CALN1: variants seen among roughly 807,000 people sequenced by gnomAD.
The protein encoded by CALN1 is calcium-binding protein 8.
In CALN1, 17 loss-of-function variants were observed where a neutral mutation model predicts 30.6. The ratio of observed to expected loss-of-function variants is 0.56; its 90% CI spans 0.38 to 0.83. The LOEUF is 0.83. Ranked by LOEUF, CALN1 falls within the 40% of genes least tolerant of loss-of-function variation. The pLI is 0.00. For missense variants in CALN1, 291 were observed against 354.9 expected, an observed-to-expected ratio of 0.82 and a Z score of 1.45; for synonymous variants, 156 against 131.4, an observed-to-expected ratio of 1.19 and a Z score of -1.28.
intron 2 of CALN1, among the ~76,000 whole-genome samples, chr7:72,383,902 G>A (rs1450652894): frequency 6.6e-6 from 1 of 152,140 alleles, no homozygotes; most frequent in Non-Finnish European, 1.5e-5. Context: ...AGAACATGCA[G>A]GTTTGTTACA....
At chr7:72,361,992 G>C (rs1046531246) in intron 2 of CALN1, among the ~76,000 whole-genome samples, 2 of 151,992 alleles carry the variant, frequency 1.3e-5, no homozygotes, top group African/African-American at 2.4e-5. Flanking sequence ...GCGAGTTCTA[G>C]ATATACTCAG....
At chr7:72,173,687 G>A (rs745533911) in intron 3 of CALN1, among the ~76,000 whole-genome samples, 25 of 151,780 alleles carry the variant, frequency 1.6e-4, no homozygotes, top group Non-Finnish European at 3.5e-4. Flanking sequence ...AAAGAAAGGT[G>A]GTTTTGTTTG....
the CALN1 span, among the ~76,000 whole-genome samples, chr7:72,475,109 T>C: frequency 1.3e-5 from 2 of 152,170 alleles, no homozygotes; most frequent in Admixed American, 6.5e-5. Context: ...ATGGGTCTTA[T>C]CCAATGGAAA....
intron 5 of CALN1, among the ~76,000 whole-genome samples, chr7:71,951,481 CT>C (rs1294234836): frequency 1.3e-5 from 2 of 152,136 alleles, no homozygotes; most frequent in Non-Finnish European, 2.9e-5. Context: ...ATCCCAGCTA[CT>C]TGGGAGGCTG....
Position 71,826,828 on chromosome 7 carries a change from A to G in CALN1, c.502-16336T>C, listed in dbSNP as rs146862708. ...GTAGCTGGGACTACAGGTGCATGCC[A>G]CCATGTCCACATAATTTTTGTATTT... is the stretch of plus-strand genomic sequence containing the variant. On this transcript the variant is annotated intron_variant, in intron 5 of 6. Coordinates refer to ENST00000395275, the MANE Select transcript of CALN1 (RefSeq NM_031468.4). Among the ~76,000 whole-genome samples the G allele has an allele frequency of 5.3e-5, 8 of 152,276 alleles. No individual in the cohort carries two copies. The East Asian group carries it at 1.5e-3, about 29-fold the overall frequency.
intron 4 of CALN1, among the ~76,000 whole-genome samples, chr7:72,081,894 A>T (rs2129538823): frequency 6.6e-6 from 1 of 152,308 alleles, no homozygotes; most frequent in African/African-American, 2.4e-5. Context: ...AATTCTGCAA[A>T]GTGATGAGTC....
chr7:72,057,499 T>G (rs187064022), intron 4 of CALN1, among the ~76,000 whole-genome samples: 3 of 151,768 alleles, frequency 2.0e-5, no homozygotes, highest in Admixed American at 2.0e-4. Flanking sequence ...TAACATTATT[T>G]GTAACAGTGA....
chr7:72,100,539 C>T (rs752705739), intron 4 of CALN1, among the ~76,000 whole-genome samples: 35 of 152,050 alleles, frequency 2.3e-4, no homozygotes, highest in Non-Finnish European at 4.9e-4. Flanking sequence ...AACTTCTGAG[C>T]CGGGCGCAGT....
rs201954683 is a variant in CALN1, at chr7:72,198,093, TTTC to T, written c.244+80590_244+80592del. 3.4e-4 allele frequency among the ~76,000 whole-genome samples: 52 copies of T among 152,302 alleles called. 1 individual carries two copies. The East Asian group carries it at 0.01, about 29-fold the overall frequency. On this transcript the variant is annotated intron_variant, in intron 3 of 6. Transcript: ENST00000395275. ...AGACTTTCATAAAAGGAAATTCCAA[TTTC>T]TTCTTAAATTATTTTAAAAACAGAA...
At chr7:72,478,193 A>C in the CALN1 span, among the ~76,000 whole-genome samples, 1 of 151,052 alleles carries the variant, frequency 6.6e-6, no homozygotes, top group African/African-American at 2.4e-5. Flanking sequence ...TAAGCAACGT[A>C]GCAAGACCTT....
chr7:72,241,374 G>A (rs1400075152), intron 3 of CALN1, among the ~76,000 whole-genome samples: 2 of 151,960 alleles, frequency 1.3e-5, no homozygotes, highest in African/African-American at 4.8e-5. Context: ...AGAATGGTAC[G>A]AGCACATTCT....
chr7:71,792,002 C>G (rs1042420103), intron 6 of CALN1, among the ~76,000 whole-genome samples: 46 of 150,264 alleles, frequency 3.1e-4, no homozygotes, highest in African/African-American at 1.1e-3. Flanking sequence ...CAGCGAGACT[C>G]CGTCTCAAAA....
At chr7:72,259,533 G>A (rs1796134929) in intron 3 of CALN1, among the ~76,000 whole-genome samples, 1 of 152,120 alleles carries the variant, frequency 6.6e-6, no homozygotes, top group African/African-American at 2.4e-5. Context: ...TAACATGGTA[G>A]TTAATTAAGA....
At chr7:72,243,479 G>C (rs1390071584) in intron 3 of CALN1, among the ~76,000 whole-genome samples, 1 of 152,006 alleles carries the variant, frequency 6.6e-6, no homozygotes, top group Non-Finnish European at 1.5e-5. Flanking sequence ...AGCTTCTTTC[G>C]GTGCTAAGTG....
chr7:72,049,673 A>G (rs533453941), intron 4 of CALN1, among the ~76,000 whole-genome samples: 1 of 151,340 alleles, frequency 6.6e-6, no homozygotes, highest in Admixed American at 6.6e-5. Context: ...ACGCCCGGCT[A>G]TTTTTTGTGT....
At chr7:72,226,971 G>T (rs1188388409) in intron 3 of CALN1, among the ~76,000 whole-genome samples, 1 of 148,754 alleles carries the variant, frequency 6.7e-6, no homozygotes, top group Non-Finnish European at 1.5e-5. Flanking sequence ...GGAAGACAGA[G>T]ACTGCAGTGA....
At chr7:71,986,056 CT>C (rs139744865) in intron 5 of CALN1, among the ~76,000 whole-genome samples, 8 of 146,750 alleles carry the variant, frequency 5.5e-5, no homozygotes, top group South Asian at 2.1e-4. Flanking sequence ...AAATCTTTCT[CT>C]TTTTTTTTTG....
chr7:72,466,801 G>A, the CALN1 span, among the ~76,000 whole-genome samples: 1 of 140,582 alleles, frequency 7.1e-6, no homozygotes, highest in Non-Finnish European at 1.5e-5. Flanking sequence ...AAGAAGGAAA[G>A]GAAGAAAGGA....
At chr7:72,005,096 C>T (rs1584726131) in intron 5 of CALN1, among the ~76,000 whole-genome samples, 1 of 152,124 alleles carries the variant, frequency 6.6e-6, no homozygotes, top group African/African-American at 2.4e-5. Flanking sequence ...TCTTATAAAA[C>T]AAAACATGCA....
Sources: gnomAD v4.1 joint callset for allele counts (sites outside exome capture counted in the v4.1 genomes callset) on GRCh38, gnomAD v4.1.1 for gene constraint, MANE v1.5 for transcripts, NCBI Gene and HGNC (gene_info 2026-07-23, HGNC 2026-07-21) for gene names.